RERE: variants seen among roughly 807,000 people sequenced by gnomAD.
RERE encodes the protein arginine-glutamic acid dipeptide repeats protein.
A neutral mutation model predicts 146.1 loss-of-function variants in RERE; 40 were observed. The observed-to-expected ratio is 0.27, with a 90% CI of 0.21 to 0.36. The LOEUF (loss-of-function observed/expected upper bound fraction) is 0.36. Among genes scored for constraint, RERE ranks in the 10% least tolerant of loss-of-function variants. RERE has a pLI of 1.00. For synonymous variants in RERE, 1,003 were observed against 866.0 expected, an observed-to-expected ratio of 1.16 and a Z score of -2.78; for missense variants, 1,933 against 2,138.7, an observed-to-expected ratio of 0.90 and a Z score of 1.90.
chr1:8,491,856 G>A (rs1288405333), intron 10 of RERE, among the ~76,000 whole-genome samples: 1 of 152,068 alleles, frequency 6.6e-6, no homozygotes, highest in African/African-American at 2.4e-5. Context: ...GCCTAACCTT[G>A]TTTTAAATCT....
Position 8,423,219 on chromosome 1 carries a change from A to C in RERE, c.1204-412T>G, listed in dbSNP as rs115776855. ...GAGCAGAAAGGGGAAACAGAACCAA[A>C]CCCGGTGACTCTTCTCCAGAAGGGA... On this transcript the variant is annotated intron_variant, in intron 11 of 22. Coordinates refer to ENST00000400908, the MANE Select transcript of RERE (RefSeq NM_001042681.2). This position sits in a 1 kb window ranked among gnomAD's most constrained non-coding sequence, Gnocchi z 5.4. 7.6e-3 allele frequency: 1,224 copies of C among 161,246 alleles called. 16 individuals are homozygous for C. The highest frequency in any genetic ancestry group is 0.029 in the African/African-American group (1,189 of 41,698). The allele number at this position is 161,246 out of a possible 1,614,324, so 10.0% of individuals were successfully genotyped here. A position where few individuals can be genotyped will look rare whatever the true frequency, so the allele number is the denominator to read the frequency against.
At position 8,423,750 on chromosome 1, in the gene RERE, G is replaced by A. The variant is rs1254115839; in HGVS notation, c.1204-943C>T. On this transcript the variant is annotated intron_variant, in intron 11 of 22. Coordinates refer to ENST00000400908, the MANE Select transcript of RERE (RefSeq NM_001042681.2). This position sits in a 1 kb window ranked among gnomAD's most constrained non-coding sequence, Gnocchi z 5.4. ...GCGCGGCGCGGGGCCCGGGGGGCGCGGGGCTGGGGCCGCCGCTGACGGGGG... is the reference window on the plus strand; with the variant it reads ...GCGCGGCGCGGGGCCCGGGGGGCGCAGGGCTGGGGCCGCCGCTGACGGGGG... 7.5e-6 allele frequency: 7 copies of A among 939,408 alleles called. No individual in the cohort carries two copies. Among genetic ancestry groups the A allele is most frequent in the Non-Finnish European group, 2.5e-6 (2 of 791,050 alleles). 58.2% of individuals were successfully genotyped at this position (939,408 alleles called of 1,614,324 possible). A position where few individuals can be genotyped will look rare whatever the true frequency, so the allele number is the denominator to read the frequency against.
chr1:8,802,555 G>T (rs1191692266), intron 1 of RERE, among the ~76,000 whole-genome samples: 2 of 151,998 alleles, frequency 1.3e-5, no homozygotes, highest in Non-Finnish European at 2.9e-5. Context: ...CAAAACACAG[G>T]TGACACACCA....
chr1:8,507,072 C>T (rs955321361), intron 8 of RERE, among the ~76,000 whole-genome samples: 8 of 152,108 alleles, frequency 5.3e-5, no homozygotes, highest in African/African-American at 1.9e-4. Flanking sequence ...AGAAACAGAG[C>T]CAGAGTCCTG....
chr1:8,394,584 G>A (rs1167038423), intron 12 of RERE, among the ~76,000 whole-genome samples: 2 of 152,156 alleles, frequency 1.3e-5, no homozygotes, highest in African/African-American at 4.8e-5. Context: ...ACTTAAGAAA[G>A]GAGCTACTGC....
intron 2 of RERE, among the ~76,000 whole-genome samples, chr1:8,653,176 T>C (rs1433359957): frequency 6.6e-6 from 1 of 152,212 alleles, no homozygotes; most frequent in Non-Finnish European, 1.5e-5. Flanking sequence ...AGGGAGACTG[T>C]ACAGGCAGCA....
intron 2 of RERE, among the ~76,000 whole-genome samples, chr1:8,631,520 C>A (rs1647035223): frequency 1.3e-5 from 2 of 152,138 alleles, no homozygotes; most frequent in Non-Finnish European, 2.9e-5. Flanking sequence ...CTCTGTGGAA[C>A]AAGAAAAAGC....
chr1:8,794,886 C>G (rs1002608465), intron 1 of RERE, among the ~76,000 whole-genome samples: 1 of 152,156 alleles, frequency 6.6e-6, no homozygotes, highest in Non-Finnish European at 1.5e-5. Context: ...CATCATGTCA[C>G]ACTGCAGCCT....
intron 4 of RERE, among the ~76,000 whole-genome samples, chr1:8,575,561 ATT>A (rs57463625): frequency 0.24 from 23,891 of 97,758 alleles, 3,265 homozygotes; most frequent in East Asian, 0.54. Flanking sequence ...ATATATATAT[ATT>A]TTTTTTTTTT....
chr1:8,649,939 G>A (rs1647527187), intron 2 of RERE, among the ~76,000 whole-genome samples: 2 of 152,094 alleles, frequency 1.3e-5, no homozygotes, highest in African/African-American at 4.8e-5. Context: ...ATTTATTAAG[G>A]AAATGTATTT....
intron 1 of RERE, among the ~76,000 whole-genome samples, chr1:8,705,312 G>GC (rs554426392): frequency 6.6e-6 from 1 of 151,928 alleles, no homozygotes; most frequent in South Asian, 2.1e-4. Flanking sequence ...CCTGCACCCA[G>GC]CCCCCCACTT....
intron 7 of RERE, among the ~76,000 whole-genome samples, chr1:8,521,868 A>C (rs1196640231): frequency 6.6e-6 from 1 of 152,204 alleles, no homozygotes; most frequent in Non-Finnish European, 1.5e-5. Flanking sequence ...AGAAATGGAG[A>C]CCGTAAGAAT....
chr1:8,718,971 A>C (rs1330800914), intron 1 of RERE, among the ~76,000 whole-genome samples: 3 of 152,206 alleles, frequency 2.0e-5, no homozygotes, highest in Non-Finnish European at 2.9e-5. Flanking sequence ...TAAAAACCTG[A>C]TTAAAACAAT....
At chr1:8,414,804 C>T (rs1251892898) in intron 12 of RERE, among the ~76,000 whole-genome samples, 1 of 151,974 alleles carries the variant, frequency 6.6e-6, no homozygotes, top group Non-Finnish European at 1.5e-5. Context: ...TTTGCTTTTC[C>T]TATTTACCTA....
intron 4 of RERE, among the ~76,000 whole-genome samples, chr1:8,575,578 C>G (rs1646285012): frequency 8.7e-6 from 1 of 115,368 alleles, no homozygotes; most frequent in Non-Finnish European, 1.8e-5. Flanking sequence ...TTTTTTTTGG[C>G]AGAGACAGTG....
intron 1 of RERE, among the ~76,000 whole-genome samples, chr1:8,808,917 C>G (rs1032717587): frequency 5.3e-5 from 8 of 152,012 alleles, no homozygotes; most frequent in African/African-American, 1.9e-4. Context: ...GCAGGCGGAT[C>G]ACGAAGTCAG....
chr1:8,647,158 A>G (rs1570559690), intron 2 of RERE, among the ~76,000 whole-genome samples: 1 of 152,038 alleles, frequency 6.6e-6, no homozygotes, highest in African/African-American at 2.4e-5. Flanking sequence ...AAGACAACAT[A>G]CCTCTGTTGT....
At chr1:8,451,740 T>C (rs1193545164) in intron 11 of RERE, among the ~76,000 whole-genome samples, 1 of 152,096 alleles carries the variant, frequency 6.6e-6, no homozygotes, top group Non-Finnish European at 1.5e-5. Flanking sequence ...TGTCCCACCC[T>C]AGGGATTCTG....
intron 4 of RERE, 112 bp downstream of exon 4, chr1:8,614,449 C>A (rs1646827640): frequency 8.7e-7 from 1 of 1,154,280 alleles, no homozygotes; most frequent in Non-Finnish European, 1.2e-6. Context: ...TTTAAAAACA[C>A]ATATAATACA....
Sources: gnomAD v4.1 joint callset for allele counts (sites outside exome capture counted in the v4.1 genomes callset) on GRCh38, gnomAD v4.1.1 for gene constraint, Gnocchi (gnomAD v3.1) non-coding constraint, MANE v1.5 for transcripts, NCBI Gene and HGNC (gene_info 2026-07-23, HGNC 2026-07-21) for gene names.